PTPRD: variants seen among roughly 807,000 people sequenced by gnomAD.
PTPRD encodes protein tyrosine phosphatase receptor type D.
A neutral mutation model predicts 214.5 loss-of-function variants in PTPRD; 34 were observed. That is an observed-to-expected ratio of 0.16 (90% CI 0.12 to 0.21). The LOEUF is 0.21. Ranked by LOEUF, PTPRD falls within the 10% of genes least tolerant of loss-of-function variation. PTPRD has a pLI of 1.00. For synonymous variants in PTPRD, 1,128 were observed against 845.7 expected, an observed-to-expected ratio of 1.33 and a Z score of -5.79; for missense variants, 2,545 against 2,398.7, an observed-to-expected ratio of 1.06 and a Z score of -1.27.
chr9:8,990,536 C>G (rs1270063389), intron 11 of PTPRD, among the ~76,000 whole-genome samples: 2 of 152,160 alleles, frequency 1.3e-5, no homozygotes, highest in Non-Finnish European at 2.9e-5. Context: ...CCTCCTGTCC[C>G]TGGCCCCTCA....
intron 2 of PTPRD, among the ~76,000 whole-genome samples, chr9:10,407,899 A>G (rs1377171865): frequency 2.6e-5 from 4 of 151,570 alleles, no homozygotes; most frequent in East Asian, 3.9e-4. Context: ...GATATAAATT[A>G]TCAACTCATA....
At chr9:9,700,375 CAA>C (rs1296783752) in intron 7 of PTPRD, among the ~76,000 whole-genome samples, 1 of 152,016 alleles carries the variant, frequency 6.6e-6, no homozygotes, top group Non-Finnish European at 1.5e-5. Context: ...ATATACAAGA[CAA>C]TATTTATATA....
chr9:9,497,775 T>C (rs1264854595), intron 8 of PTPRD, among the ~76,000 whole-genome samples: 1 of 152,086 alleles, frequency 6.6e-6, no homozygotes, highest in Non-Finnish European at 1.5e-5. Flanking sequence ...ATTTAAGATA[T>C]AATATCATAA....
At chr9:9,258,863 A>G (rs2099978901) in intron 9 of PTPRD, among the ~76,000 whole-genome samples, 2 of 151,886 alleles carry the variant, frequency 1.3e-5, no homozygotes, top group South Asian at 2.1e-4. Flanking sequence ...GTGTAAATCA[A>G]TTTCTTTGGA....
chr9:8,350,768 T>A, intron 39 of PTPRD, among the ~76,000 whole-genome samples: 1 of 152,152 alleles, frequency 6.6e-6, no homozygotes, highest in Non-Finnish European at 1.5e-5. Flanking sequence ...CTAACTTTTA[T>A]ATATTACAAA....
chr9:8,343,450 T>C (rs951860728), intron 39 of PTPRD, among the ~76,000 whole-genome samples: 1 of 152,032 alleles, frequency 6.6e-6, no homozygotes, highest in Non-Finnish European at 1.5e-5. Flanking sequence ...CACAGACCAA[T>C]TGGCAACCTG....
chr9:10,316,299 C>G lies in PTPRD; in HGVS notation c.-545+24664G>C, dbSNP rs1361171339. On this transcript the variant is annotated intron_variant, in intron 3 of 45. Transcript: ENST00000381196. ...TAATAATTTAGCATATTGTCCTCTA[C>G]TATAAATGTAAAGGTCCTTTGACAT... 4.0e-5 allele frequency among the ~76,000 whole-genome samples: 6 copies of G among 151,668 alleles called. No homozygotes were observed. In the South Asian group the frequency reaches 8.3e-4, roughly 21 times the overall value.
At chr9:8,735,823 A>T (rs1357778743) in intron 11 of PTPRD, among the ~76,000 whole-genome samples, 3 of 151,680 alleles carry the variant, frequency 2.0e-5, no homozygotes, top group Non-Finnish European at 4.4e-5. Context: ...GAGGCAGGAG[A>T]ATCACTTGAA....
At chr9:10,340,652 T>C (rs2096921635) in intron 3 of PTPRD, among the ~76,000 whole-genome samples, 1 of 151,860 alleles carries the variant, frequency 6.6e-6, no homozygotes, top group Non-Finnish European at 1.5e-5. Flanking sequence ...TCTTACAATA[T>C]TTTTGTGAGG....
At chr9:10,227,238 G>A (rs1301244548) in intron 3 of PTPRD, among the ~76,000 whole-genome samples, 1 of 151,930 alleles carries the variant, frequency 6.6e-6, no homozygotes, top group Non-Finnish European at 1.5e-5. Context: ...ATGTGAAATT[G>A]CATGTTGAAA....
intron 10 of PTPRD, among the ~76,000 whole-genome samples, chr9:9,051,990 A>G (rs958166172): frequency 1.3e-5 from 2 of 152,196 alleles, no homozygotes; most frequent in Admixed American, 6.5e-5. Flanking sequence ...ATCCATCTGG[A>G]TTGCTATAAC....
At chr9:8,622,470 G>C (rs1205564087) in intron 14 of PTPRD, among the ~76,000 whole-genome samples, 2 of 151,952 alleles carry the variant, frequency 1.3e-5, no homozygotes, top group Non-Finnish European at 2.9e-5. Flanking sequence ...ATTACTGTGA[G>C]AGCACTTTTC....
At chr9:9,963,369 T>C (rs775209006) in intron 4 of PTPRD, among the ~76,000 whole-genome samples, 3 of 152,178 alleles carry the variant, frequency 2.0e-5, no homozygotes, top group Non-Finnish European at 2.9e-5. Context: ...GGGAATTCTA[T>C]GGGCAGAGAG....
chr9:10,230,074 G>C (rs1258277769), intron 3 of PTPRD, among the ~76,000 whole-genome samples: 1 of 151,962 alleles, frequency 6.6e-6, no homozygotes, highest in Non-Finnish European at 1.5e-5. Context: ...TGGTGCATTA[G>C]TCAGAGACCT....
At chr9:8,654,253 C>G (rs1399047695) in intron 12 of PTPRD, among the ~76,000 whole-genome samples, 2 of 152,172 alleles carry the variant, frequency 1.3e-5, no homozygotes. Flanking sequence ...TCAACTACCC[C>G]CTACTTGGTA....
At position 10,027,337 on chromosome 9, in the gene PTPRD, G is replaced by A. The variant is rs115271908; in HGVS notation, c.-472+6381C>T. 4.5e-3 allele frequency among the ~76,000 whole-genome samples: 689 copies of A among 152,248 alleles called. 10 individuals are homozygous for A. The highest frequency in any genetic ancestry group is 0.016 in the African/African-American group (663 of 41,536). On this transcript the variant is annotated intron_variant, in intron 4 of 45. Transcript: ENST00000381196. ...AAAGCACAGGCAATAAAGCTGGGGG[G>A]AAAAGAGGTAGACAGAATTTGACCT... is the stretch of plus-strand genomic sequence containing the variant.
chr9:10,409,624 G>A (rs2098413809), intron 2 of PTPRD, among the ~76,000 whole-genome samples: 1 of 151,684 alleles, frequency 6.6e-6, no homozygotes, highest in African/African-American at 2.4e-5. Context: ...CATATACATT[G>A]TGGTTTTAAA....
intron 9 of PTPRD, among the ~76,000 whole-genome samples, chr9:9,198,185 T>G (rs72696843): frequency 1.3e-5 from 2 of 152,336 alleles, no homozygotes; most frequent in Non-Finnish European, 2.9e-5. Context: ...TAATTTCACT[T>G]AGCACTGTGG....
chr9:8,355,242 T>A (rs1193710784), intron 39 of PTPRD, among the ~76,000 whole-genome samples: 2 of 152,166 alleles, frequency 1.3e-5, no homozygotes, highest in East Asian at 3.9e-4. Flanking sequence ...GCTCCCCTTT[T>A]GCCTTCCACC....
Sources: allele counts gnomAD v4.1 joint callset (sites outside exome capture counted in the v4.1 genomes callset), GRCh38; gene constraint gnomAD v4.1.1; transcripts MANE v1.5; gene names NCBI Gene and HGNC (gene_info 2026-07-23, HGNC 2026-07-21).